RANBP2: variants seen among roughly 807,000 people sequenced by gnomAD.
The protein encoded by RANBP2 is E3 SUMO-protein ligase RanBP2.
In RANBP2, 57 loss-of-function variants were observed where a neutral mutation model predicts 303.6. That is an observed-to-expected ratio of 0.19 (90% CI 0.15 to 0.23). RANBP2 has a LOEUF of 0.23. RANBP2 is among the 10% of genes least tolerant of loss of function. The pLI is 1.00. For synonymous variants in RANBP2, 1,167 were observed against 1,301.5 expected (o/e 0.90, Z 2.23); for missense variants, 3,138 against 3,780.8 (o/e 0.83, Z 4.46).
At chr2:108,824,164 A>G in the RANBP2 span, among the ~76,000 whole-genome samples, 1 of 53,714 alleles carries the variant, frequency 1.9e-5, no homozygotes, top group Non-Finnish European at 4.6e-5. Context: ...AAATTTAGAA[A>G]AAAAAATTTT....
At chr2:109,683,466 T>C in the RANBP2 span, among the ~76,000 whole-genome samples, 1 of 152,130 alleles carries the variant, frequency 6.6e-6, no homozygotes, top group Non-Finnish European at 1.5e-5. Flanking sequence ...AGAGGAAGTT[T>C]CCCAGCTGCA....
chr2:108,908,018 C>T, the RANBP2 span: 10 of 1,606,800 alleles, frequency 6.2e-6, no homozygotes, highest in Admixed American at 6.7e-5. Context: ...GCATCGTTCT[C>T]GCTGCAAAAA....
chr2:109,646,518 G>A, the RANBP2 span, among the ~76,000 whole-genome samples: 19,944 of 151,790 alleles, frequency 0.13, 2,000 homozygotes, highest in East Asian at 0.44. Flanking sequence ...TTGAGATGGA[G>A]TCTTGCTCTG....
chr2:109,327,436 A>G, the RANBP2 span, among the ~76,000 whole-genome samples: 1 of 152,220 alleles, frequency 6.6e-6, no homozygotes, highest in Non-Finnish European at 1.5e-5. Flanking sequence ...TAAAGCTTTG[A>G]TATTTTAGCA....
At chr2:109,121,077 T>A in the RANBP2 span, among the ~76,000 whole-genome samples, 3 of 152,024 alleles carry the variant, frequency 2.0e-5, no homozygotes, top group Non-Finnish European at 4.4e-5. Context: ...AAACCCCGTC[T>A]CTACTAAAAA....
the RANBP2 span, among the ~76,000 whole-genome samples, chr2:109,625,453 GA>G: frequency 5.4e-5 from 8 of 147,202 alleles, no homozygotes; most frequent in African/African-American, 2.0e-4. Context: ...AGGAGATCGA[GA>G]CCACCCTGGC....
the RANBP2 span, among the ~76,000 whole-genome samples, chr2:109,001,205 C>A: frequency 2.0e-5 from 3 of 152,186 alleles, no homozygotes; most frequent in African/African-American, 7.2e-5. Context: ...AGGAACCATT[C>A]ACTCCTGAGG....
At chr2:108,974,535 G>T in the RANBP2 span, among the ~76,000 whole-genome samples, 2 of 151,338 alleles carry the variant, frequency 1.3e-5, no homozygotes, top group East Asian at 3.9e-4. Flanking sequence ...TTGGAGACCA[G>T]CCTGACCAAC....
the RANBP2 span, among the ~76,000 whole-genome samples, chr2:108,971,176 C>T: frequency 2.1e-4 from 32 of 152,272 alleles, 1 homozygote; most frequent in East Asian, 3.5e-3. Flanking sequence ...ACATGTTTTC[C>T]GTCTCCAACT....
At chr2:109,314,169 C>T in the RANBP2 span, among the ~76,000 whole-genome samples, 1 of 152,102 alleles carries the variant, frequency 6.6e-6, no homozygotes, top group Admixed American at 6.5e-5. Context: ...GGTCTGTGTC[C>T]CGGGAGACCA....
chr2:109,156,951 A>G, the RANBP2 span, among the ~76,000 whole-genome samples: 1 of 152,232 alleles, frequency 6.6e-6, no homozygotes, highest in African/African-American at 2.4e-5. Flanking sequence ...TTTAAAGACT[A>G]CCAATAAGGT....
the RANBP2 span, among the ~76,000 whole-genome samples, chr2:109,523,433 C>T: frequency 1.3e-5 from 2 of 152,164 alleles, no homozygotes; most frequent in African/African-American, 2.4e-5. Context: ...CTAGGTGATG[C>T]TGCACCTGCT....
the RANBP2 span, among the ~76,000 whole-genome samples, chr2:109,156,744 G>A: frequency 6.6e-6 from 1 of 152,014 alleles, no homozygotes; most frequent in African/African-American, 2.4e-5. Flanking sequence ...TGCCCGGCCT[G>A]AATTTTAAGT....
At chr2:109,567,791 A>G in the RANBP2 span, 1 of 1,544,590 alleles carries the variant, frequency 6.5e-7, no homozygotes, top group Non-Finnish European at 8.7e-7. Context: ...GGAAAACAGA[A>G]TTAACATTCA....
At chr2:109,161,532 T>A in the RANBP2 span, among the ~76,000 whole-genome samples, 13 of 151,604 alleles carry the variant, frequency 8.6e-5, no homozygotes, top group Non-Finnish European at 1.5e-4. Context: ...GGGGAACATG[T>A]CTTAGTCTAG....
the RANBP2 span, among the ~76,000 whole-genome samples, chr2:108,926,242 C>T: frequency 1.3e-5 from 2 of 152,118 alleles, no homozygotes; most frequent in Admixed American, 6.5e-5. Flanking sequence ...CCGGTCCCTT[C>T]GTCTTTCTGG....
the RANBP2 span, among the ~76,000 whole-genome samples, chr2:109,163,149 C>T: frequency 6.6e-6 from 1 of 152,186 alleles, no homozygotes; most frequent in South Asian, 2.1e-4. Flanking sequence ...GCAAGGAGAT[C>T]CCACAGAGTC....
the RANBP2 span, among the ~76,000 whole-genome samples, chr2:109,527,983 C>T: frequency 2.6e-5 from 4 of 152,272 alleles, no homozygotes; most frequent in East Asian, 1.9e-4. Context: ...TGCAGCCAGG[C>T]GGGAGGACGG....
the RANBP2 span, among the ~76,000 whole-genome samples, chr2:108,819,157 G>A: frequency 1.3e-5 from 2 of 152,174 alleles, no homozygotes; most frequent in Non-Finnish European, 2.9e-5. Context: ...TAATGACAAG[G>A]ACATGTTAGT....
Sources: gnomAD v4.1 joint callset for allele counts (sites outside exome capture counted in the v4.1 genomes callset) on GRCh38, gnomAD v4.1.1 for gene constraint, MANE v1.5 for transcripts, NCBI Gene and HGNC (gene_info 2026-07-23, HGNC 2026-07-21) for gene names.